TBXAS1: variants seen among roughly 807,000 people sequenced by gnomAD.
TBXAS1 encodes thromboxane A synthase 1, also known as thromboxane-A synthase.
In TBXAS1, 48 loss-of-function variants were observed where a neutral mutation model predicts 60.7. That is an observed-to-expected ratio of 0.79 (90% CI 0.63 to 1.01). The LOEUF is 1.01. Among genes scored for constraint, TBXAS1 ranks in the 50% least tolerant of loss-of-function variants. The probability of loss-of-function intolerance (pLI) is 0.00; values close to 1 mark genes in which losing one functional copy is unlikely to be tolerated. For synonymous variants in TBXAS1, 287 were observed against 269.7 expected (o/e 1.06, Z -0.63); for missense variants, 685 against 686.3 (o/e 1.00, Z 0.02).
rs1041017990 is a variant in TBXAS1, at chr7:139,896,132, G to A, written c.237-15093G>A. ...TTCCACTTGCTCTTAAGGGTGAGGCGCTCTGCTAGCTTCTCAGGGATGCAC... is the reference window on the plus strand; with the variant it reads ...TTCCACTTGCTCTTAAGGGTGAGGCACTCTGCTAGCTTCTCAGGGATGCAC... On this transcript the variant is annotated intron_variant, in intron 3 of 12. Transcript: ENST00000448866. The surrounding 1 kb of genome is among the most constrained non-coding windows in gnomAD (Gnocchi z 4.0). Among the ~76,000 whole-genome samples, 3 of 152,152 alleles carry A rather than the reference G, an allele frequency of 2.0e-5. No individual in the cohort carries two copies. The highest frequency in any genetic ancestry group is 2.9e-5 in the Non-Finnish European group (2 of 68,030).
chr7:139,818,185 G>A (rs1363423478), intron 4 of TBXAS1, among the ~76,000 whole-genome samples: 1 of 152,288 alleles, frequency 6.6e-6, no homozygotes, highest in East Asian at 1.9e-4. Flanking sequence ...AGGCCCTGGA[G>A]GGTTCCTTGA....
intron 4 of TBXAS1, 122 bp from the exon 5 acceptor site, chr7:139,936,068 GA>G (rs1292067192): frequency 2.3e-6 from 2 of 875,666 alleles, no homozygotes; most frequent in African/African-American, 3.3e-5. Context: ...CCTTGCAAGA[GA>G]AACCTCCTAA....
intron 6 of TBXAS1, among the ~76,000 whole-genome samples, chr7:139,954,386 A>G (rs1178581460): frequency 6.6e-6 from 1 of 152,242 alleles, no homozygotes; most frequent in East Asian, 1.9e-4. Context: ...AGACCCTTAA[A>G]TCTTCAACCT....
At chr7:139,926,974 T>C (rs1487000109) in intron 4 of TBXAS1, among the ~76,000 whole-genome samples, 1 of 151,764 alleles carries the variant, frequency 6.6e-6, no homozygotes, top group Admixed American at 6.6e-5. Context: ...ATTTCTAGGG[T>C]TTCTTTTTTT....
chr7:140,009,287 G>A (rs1354947415), intron 10 of TBXAS1, among the ~76,000 whole-genome samples: 2 of 152,216 alleles, frequency 1.3e-5, no homozygotes, highest in Non-Finnish European at 2.9e-5. Context: ...GGGCACGTCA[G>A]AAGACCATCT....
At chr7:139,845,308 G>A (rs1585614305) in intron 1 of TBXAS1, among the ~76,000 whole-genome samples, 1 of 151,948 alleles carries the variant, frequency 6.6e-6, no homozygotes, top group East Asian at 1.9e-4. Flanking sequence ...CTCTGACCTG[G>A]TCCCCTGCCC....
chr7:139,837,164 T>C (rs1029502689), intron 1 of TBXAS1, among the ~76,000 whole-genome samples: 5 of 152,190 alleles, frequency 3.3e-5, no homozygotes, highest in Non-Finnish European at 7.3e-5. Context: ...ACAGTAGATG[T>C]TGGCGAGGAT....
intron 3 of TBXAS1, among the ~76,000 whole-genome samples, chr7:139,906,971 T>A (rs1401123576): frequency 6.6e-6 from 1 of 152,238 alleles, no homozygotes; most frequent in Non-Finnish European, 1.5e-5. Flanking sequence ...GTAGATATCA[T>A]GTCATCTCAA....
At chr7:139,915,804 G>T (rs1457923956) in intron 4 of TBXAS1, among the ~76,000 whole-genome samples, 2 of 152,208 alleles carry the variant, frequency 1.3e-5, no homozygotes, top group African/African-American at 4.8e-5. Context: ...CCAGAACACT[G>T]GCTGGAGCAG....
rs1038775019 is a variant in TBXAS1, at chr7:139,975,217, C to T, written c.1134+12984C>T. ...GATTTTAAGTGTTAACCATATCTAC[C>T]GAAGACCTTCCCAGCAACCCTGGGA... is the stretch of plus-strand genomic sequence containing the variant. On this transcript the variant is annotated intron_variant, in intron 9 of 12. Coordinates refer to ENST00000448866, the MANE Select transcript of TBXAS1 (RefSeq NM_001061.7). The surrounding 1 kb of genome is among the most constrained non-coding windows in gnomAD (Gnocchi z 4.4). Among the ~76,000 whole-genome samples, 6 of 152,128 alleles carry T rather than the reference C, an allele frequency of 3.9e-5. No individual in the cohort carries two copies. Among genetic ancestry groups the T allele is most frequent in the African/African-American group, 9.7e-5 (4 of 41,402 alleles).
At position 139,969,904 on chromosome 7, in the gene TBXAS1, C is replaced by T. The variant is rs7777901; in HGVS notation, c.1134+7671C>T. 3.7e-3 allele frequency among the ~76,000 whole-genome samples: 558 copies of T among 152,312 alleles called. 5 individuals carry two copies. The highest frequency in any genetic ancestry group is 0.012 in the African/African-American group (519 of 41,556). On this transcript the variant is annotated intron_variant, in intron 9 of 12. Transcript: ENST00000448866. Reference sequence around the variant, plus strand: ...ACAAGGGAAGAGGCAAAACAGAGAACGCCTTACAGCCCTAATGTTGAATCT... The same window carrying T: ...ACAAGGGAAGAGGCAAAACAGAGAATGCCTTACAGCCCTAATGTTGAATCT...
chr7:139,955,659 G>A (rs745962698), intron 7 of TBXAS1, 52 bp downstream of exon 7: 1 of 1,610,300 alleles, frequency 6.2e-7, no homozygotes, highest in Non-Finnish European at 8.5e-7. Flanking sequence ...AAGTTGGGCA[G>A]ACCCCATGAC....
intron 9 of TBXAS1, among the ~76,000 whole-genome samples, chr7:139,979,993 G>A (rs1478146870): frequency 6.6e-6 from 1 of 151,516 alleles, no homozygotes; most frequent in Non-Finnish European, 1.5e-5. Flanking sequence ...CGTCGCCTGG[G>A]TTTCTTTCCT....
At chr7:139,887,900 A>G (rs769276399) in intron 3 of TBXAS1, among the ~76,000 whole-genome samples, 2 of 152,170 alleles carry the variant, frequency 1.3e-5, no homozygotes, top group African/African-American at 4.8e-5. Flanking sequence ...ATCTTATAGC[A>G]ATGCTTTGTT....
At chr7:139,884,255 T>G (rs760048666) in intron 3 of TBXAS1, among the ~76,000 whole-genome samples, 3 of 152,236 alleles carry the variant, frequency 2.0e-5, no homozygotes, top group Admixed American at 6.5e-5. Flanking sequence ...CACCTTCTTG[T>G]TCTTTAAAAT....
chr7:139,791,334 T>C (rs1257403934), intron 4 of TBXAS1, among the ~76,000 whole-genome samples: 1 of 152,112 alleles, frequency 6.6e-6, no homozygotes, highest in Non-Finnish European at 1.5e-5. Context: ...TACCTGTGAG[T>C]GGGAGCCTCG....
At chr7:139,928,638 A>AT (rs1195903517) in intron 4 of TBXAS1, among the ~76,000 whole-genome samples, 1 of 152,182 alleles carries the variant, frequency 6.6e-6, no homozygotes, top group Non-Finnish European at 1.5e-5. Flanking sequence ...TTGATTCCAG[A>AT]TTAATAGAGT....
At chr7:139,948,012 G>A (rs931728802) in intron 5 of TBXAS1, among the ~76,000 whole-genome samples, 1 of 152,012 alleles carries the variant, frequency 6.6e-6, no homozygotes, top group Non-Finnish European at 1.5e-5. Flanking sequence ...TTGCTGGCAC[G>A]GGCCACCACA....
At chr7:139,858,083 A>G (rs1412008250) in intron 1 of TBXAS1, among the ~76,000 whole-genome samples, 1 of 152,106 alleles carries the variant, frequency 6.6e-6, no homozygotes, top group Non-Finnish European at 1.5e-5. Flanking sequence ...AGCACTCTTG[A>G]GAAAGTAGAA....
Sources: allele counts gnomAD v4.1 joint callset (sites outside exome capture counted in the v4.1 genomes callset), GRCh38; gene constraint gnomAD v4.1.1; non-coding constraint Gnocchi (gnomAD v3.1); transcripts MANE v1.5; gene names NCBI Gene and HGNC (gene_info 2026-07-23, HGNC 2026-07-21).